Variants in SLC12A8 observed in about 807,000 individuals in gnomAD.
The protein encoded by SLC12A8 is solute carrier family 12 member 8.
SLC12A8 carries 69 observed loss-of-function variants against 75.6 expected under a neutral mutation model. The observed-to-expected ratio is 0.91, with a 90% CI of 0.75 to 1.11. SLC12A8 has a LOEUF of 1.11. SLC12A8 is among the 50% of genes most tolerant of loss of function. SLC12A8 has a pLI of 0.00. For missense variants in SLC12A8, 877 were observed against 896.7 expected, an observed-to-expected ratio of 0.98 and a Z score of 0.28; for synonymous variants, 365 against 372.8, an observed-to-expected ratio of 0.98 and a Z score of 0.24.
chr3:125,166,583 A>C lies in SLC12A8; in HGVS notation c.622+11160T>G, dbSNP rs1934295717. ...AGCTCCCAGACAATCTCCTCTAAAA[A>C]GTCTTTCCTGACTCTCCGACTGTAC... On this transcript the variant is annotated intron_variant, in intron 5 of 13. Coordinates refer to ENST00000469902, the MANE Select transcript of SLC12A8 (RefSeq NM_024628.6). Among the ~76,000 whole-genome samples, 3 of 152,130 alleles carry C rather than the reference A, an allele frequency of 2.0e-5. No individual in the cohort carries two copies. The South Asian group carries it at 6.2e-4, about 32-fold the overall frequency.
chr3:125,185,780 G>A (rs534652474), intron 4 of SLC12A8, among the ~76,000 whole-genome samples: 173 of 152,210 alleles, frequency 1.1e-3, no homozygotes, highest in South Asian at 1.9e-3. Flanking sequence ...CCCTGATCAG[G>A]GACTCCTGGC....
At chr3:125,187,738 C>T (rs994206892) in intron 3 of SLC12A8, among the ~76,000 whole-genome samples, 11 of 152,058 alleles carry the variant, frequency 7.2e-5, no homozygotes, top group South Asian at 2.1e-4. Flanking sequence ...TGACGTGCAG[C>T]GACAAGTTCT....
intron 5 of SLC12A8, among the ~76,000 whole-genome samples, chr3:125,137,250 A>G (rs1354514455): frequency 6.6e-6 from 1 of 152,220 alleles, no homozygotes; most frequent in Non-Finnish European, 1.5e-5. Flanking sequence ...AAATAATGAA[A>G]CGAAATCTCA....
At chr3:125,145,166 G>A (rs1933742643) in intron 5 of SLC12A8, among the ~76,000 whole-genome samples, 1 of 152,214 alleles carries the variant, frequency 6.6e-6, no homozygotes, top group Non-Finnish European at 1.5e-5. Context: ...GTTAGCAGCT[G>A]CTCAGGGGAG....
At chr3:125,157,876 C>A (rs756017225) in intron 5 of SLC12A8, among the ~76,000 whole-genome samples, 1 of 152,144 alleles carries the variant, frequency 6.6e-6, no homozygotes, top group Non-Finnish European at 1.5e-5. Flanking sequence ...AGAGCCTGTG[C>A]CTTATTCTTG....
chr3:125,130,394 C>T (rs1480976878), intron 6 of SLC12A8, among the ~76,000 whole-genome samples: 2 of 151,824 alleles, frequency 1.3e-5, no homozygotes, highest in Non-Finnish European at 2.9e-5. Flanking sequence ...GAGTTCGAGA[C>T]CACCCTGGAC....
intron 5 of SLC12A8, among the ~76,000 whole-genome samples, chr3:125,148,712 A>C (rs566484711): frequency 4.1e-4 from 63 of 151,950 alleles, no homozygotes; most frequent in Non-Finnish European, 5.4e-4. Flanking sequence ...TCAGCCCAGG[A>C]CTTCCTGCCT....
chr3:125,185,836 CA>C (rs1037896820), intron 4 of SLC12A8, among the ~76,000 whole-genome samples: 94 of 152,336 alleles, frequency 6.2e-4, no homozygotes, highest in African/African-American at 2.0e-3. Context: ...AGACAGTGAC[CA>C]GGGGGACTCT....
chr3:125,205,120 C>T (rs1296030290), intron 2 of SLC12A8, among the ~76,000 whole-genome samples: 1 of 152,158 alleles, frequency 6.6e-6, no homozygotes, highest in Admixed American at 6.5e-5. Flanking sequence ...CCAGAGCCCA[C>T]TAGAATTGTT....
intron 4 of SLC12A8, among the ~76,000 whole-genome samples, chr3:125,183,056 C>G (rs533969525): frequency 9.2e-5 from 14 of 152,064 alleles, no homozygotes; most frequent in African/African-American, 3.4e-4. Context: ...TACGCAAAAA[C>G]TAAATCAGGG....
At chr3:125,158,297 T>TA (rs1260157153) in intron 5 of SLC12A8, among the ~76,000 whole-genome samples, 10 of 152,118 alleles carry the variant, frequency 6.6e-5, no homozygotes, top group Non-Finnish European at 1.2e-4. Context: ...CTTGGCTCAT[T>TA]ACAGCTCCTG....
At chr3:125,206,567 A>G (rs1223166396) in intron 2 of SLC12A8, 1 of 152,298 alleles carries the variant, frequency 6.6e-6, no homozygotes, top group Non-Finnish European at 1.5e-5. Flanking sequence ...TTACCACACC[A>G]AGCTAACTCA....
intron 4 of SLC12A8, among the ~76,000 whole-genome samples, chr3:125,178,370 A>T (rs1934584049): frequency 6.6e-6 from 1 of 152,156 alleles, no homozygotes; most frequent in Non-Finnish European, 1.5e-5. Context: ...TTAAAAGGAC[A>T]CTGCAGTAAA....
intron 6 of SLC12A8, among the ~76,000 whole-genome samples, chr3:125,132,962 G>T (rs1933396676): frequency 1.3e-5 from 2 of 152,156 alleles, no homozygotes; most frequent in Admixed American, 6.5e-5. Flanking sequence ...GTGGGTTGTT[G>T]CTGAGAGTTA....
intron 5 of SLC12A8, among the ~76,000 whole-genome samples, chr3:125,156,791 C>T (rs2107775335): frequency 6.6e-6 from 1 of 152,358 alleles, no homozygotes; most frequent in Middle Eastern, 3.4e-3. Flanking sequence ...GCCCCAGCCT[C>T]AGTCCCTCCC....
intron 11 of SLC12A8, 97 bp from the exon 12 acceptor site, chr3:125,091,653 A>T: frequency 1.2e-6 from 1 of 803,162 alleles, no homozygotes; most frequent in Non-Finnish European, 2.2e-6. Flanking sequence ...ATTCCCTCTC[A>T]TCAACTTCTG....
intron 6 of SLC12A8, among the ~76,000 whole-genome samples, chr3:125,121,871 GGCCC>G (rs1223215228): frequency 6.6e-6 from 1 of 152,142 alleles, no homozygotes; most frequent in African/African-American, 2.4e-5. Flanking sequence ...CCTGAATGCT[GGCCC>G]GCGGATGGGG....
At position 125,203,981 on chromosome 3, in the gene SLC12A8, A is replaced by G. The variant is rs150060407; in HGVS notation, c.51+7318T>C. Among the ~76,000 whole-genome samples, 868 of 152,332 alleles carry G rather than the reference A, an allele frequency of 5.7e-3. 8 individuals carry two copies. The highest frequency in any genetic ancestry group is 0.02 in the African/African-American group (830 of 41,558). ...ACAGATGGCCAACAGGCACATGAAA[A>G]AATGCTCAACAGCACTAATTATCAG... On this transcript the variant is annotated intron_variant, in intron 2 of 13. Coordinates refer to ENST00000469902, the MANE Select transcript of SLC12A8 (RefSeq NM_024628.6).
At chr3:125,128,779 C>T (rs1349124014) in intron 6 of SLC12A8, among the ~76,000 whole-genome samples, 1 of 152,150 alleles carries the variant, frequency 6.6e-6, no homozygotes, top group Non-Finnish European at 1.5e-5. Context: ...TCTGATCCAG[C>T]AGGTTCTTGT....
Sources: gnomAD v4.1 joint callset for allele counts (sites outside exome capture counted in the v4.1 genomes callset) on GRCh38, gnomAD v4.1.1 for gene constraint, MANE v1.5 for transcripts, NCBI Gene and HGNC (gene_info 2026-07-23, HGNC 2026-07-21) for gene names.